The following TANC2 variants were observed in gnomAD, a reference collection of about 807,000 sequenced individuals.
The protein encoded by TANC2 is protein TANC2.
In TANC2, 26 loss-of-function variants were observed where a neutral mutation model predicts 210.5. That is an observed-to-expected ratio of 0.12 (90% CI 0.09 to 0.17). The LOEUF is 0.17. Among genes scored for constraint, TANC2 ranks in the 10% least tolerant of loss-of-function variants. The pLI is 1.00. For missense variants in TANC2, 2,129 were observed against 2,608.9 expected (o/e 0.82, Z 4.01); for synonymous variants, 931 against 967.1 (o/e 0.96, Z 0.69).
chr17:63,137,402 G>A (rs1470419624), intron 4 of TANC2, among the ~76,000 whole-genome samples: 1 of 152,184 alleles, frequency 6.6e-6, no homozygotes, highest in Non-Finnish European at 1.5e-5. Context: ...CCAATACACA[G>A]CTAAAGTGTC....
chr17:63,019,917 T>C (rs2034276326), intron 2 of TANC2, among the ~76,000 whole-genome samples: 6 of 152,022 alleles, frequency 3.9e-5, no homozygotes, highest in Admixed American at 3.9e-4. Flanking sequence ...CTATAGTTTT[T>C]GTTTGTTTGT....
chr17:63,354,870 A>T (rs1567946045), exon 14 of TANC2: 1 of 1,613,638 alleles, frequency 6.2e-7, no homozygotes, highest in African/African-American at 1.3e-5. Context: ...GCAGGCTTAC[A>T]TCCTGCACCG....
chr17:63,221,197 G>T (rs780790119), intron 7 of TANC2, among the ~76,000 whole-genome samples: 1 of 152,008 alleles, frequency 6.6e-6, no homozygotes, highest in African/African-American at 2.4e-5. Flanking sequence ...TGGCACTTTG[G>T]GAGGCCGAGG....
intron 5 of TANC2, among the ~76,000 whole-genome samples, chr17:63,175,179 A>C (rs1166766614): frequency 6.6e-6 from 1 of 152,226 alleles, no homozygotes; most frequent in Non-Finnish European, 1.5e-5. Context: ...GCAATTTTAC[A>C]AAAGAATAAT....
At chr17:63,004,172 G>GAA (rs1312096068) in intron 1 of TANC2, among the ~76,000 whole-genome samples, 2 of 152,152 alleles carry the variant, frequency 1.3e-5, no homozygotes, top group East Asian at 3.8e-4. Flanking sequence ...TTCAGGTAGC[G>GAA]AAATGAAAAT....
In TANC2 at chr17:63,421,747, C is replaced by G; in HGVS notation, c.6017C>G (p.Pro2006Arg). ...TTGCTGGAGGACGATTATTACAGCC[C>G]CCATGGGATGCTGGCTAACGGGTCT... The change falls in exon 28 of 28, where the codon CCC becomes CGC. Residue 2006 changes from proline (P) to arginine (R), a missense_variant. Transcript: ENST00000689528. This position sits in a 1 kb window ranked among gnomAD's most constrained non-coding sequence, Gnocchi z 6.9. 6.2e-7 allele frequency: 1 copy of G among 1,614,068 alleles called. No homozygotes were observed. Among genetic ancestry groups the G allele is most frequent in the Non-Finnish European group, 8.5e-7 (1 of 1,179,900 alleles).
At chr17:63,226,356 G>A (rs748051457) in intron 7 of TANC2, among the ~76,000 whole-genome samples, 55 of 152,184 alleles carry the variant, frequency 3.6e-4, no homozygotes, top group Non-Finnish European at 6.0e-4. Flanking sequence ...AGGAGAAACC[G>A]GGATAAAATC....
chr17:63,318,963 A>T (rs200724320), exon 11 of TANC2: 12 of 1,612,714 alleles, frequency 7.4e-6, no homozygotes, highest in African/African-American at 1.3e-5. Context: ...CCAGATGTGG[A>T]TGCCAACAGA....
rs72845222 is a variant in TANC2, at chr17:63,255,908, T to C, written c.1034-11840T>C. ...AAGTTGTTTATTTGACTTTTCTTTT[T>C]TTTTTTTTTTTTTTTTTGAGACAGT... On this transcript the variant is annotated intron_variant, in intron 8 of 27. Coordinates refer to ENST00000689528, the Ensembl canonical transcript of TANC2. 2.5e-3 allele frequency among the ~76,000 whole-genome samples: 211 copies of C among 85,368 alleles called. 2 individuals are homozygous for C. Among genetic ancestry groups the C allele is most frequent in the Non-Finnish European group, 2.9e-3 (109 of 37,424 alleles). 56.0% of individuals were successfully genotyped at this position (85,368 alleles called of 152,430 possible). A position where few individuals can be genotyped will look rare whatever the true frequency, so the allele number is the denominator to read the frequency against.
At chr17:63,324,791 A>C (rs1245410300) in intron 11 of TANC2, among the ~76,000 whole-genome samples, 1 of 152,108 alleles carries the variant, frequency 6.6e-6, no homozygotes, top group Admixed American at 6.6e-5. Flanking sequence ...TTCCACTAGA[A>C]TGGGTCAGTG....
chr17:63,322,687 T>A (rs1193102512), intron 11 of TANC2, among the ~76,000 whole-genome samples: 5 of 152,220 alleles, frequency 3.3e-5, no homozygotes, highest in African/African-American at 1.2e-4. Flanking sequence ...CACATTCTCA[T>A]GAGAGAAAGA....
intron 25 of TANC2, 27 bp downstream of exon 25, chr17:63,413,661 T>C: frequency 6.4e-7 from 1 of 1,553,978 alleles, no homozygotes; most frequent in Non-Finnish European, 8.8e-7. Context: ...ACACAGTTTC[T>C]TCAGAACAGC....
intron 11 of TANC2, among the ~76,000 whole-genome samples, chr17:63,328,650 T>TGGGA (rs2045735579): frequency 6.6e-6 from 1 of 150,742 alleles, no homozygotes; most frequent in African/African-American, 2.4e-5. Context: ...AAGGAAGGAA[T>TGGGA]GGGAGAAGTT....
Position 63,207,365 on chromosome 17 carries a change from G to A in TANC2, c.769+6408G>A, listed in dbSNP as rs1289329713. On this transcript the variant is annotated intron_variant, in intron 7 of 27. Transcript: ENST00000689528. ...CGAGTAGCTGGGACTACAGGCACCC[G>A]CCACCACGCTTGGCTAATTTTTTGT... Among the ~76,000 whole-genome samples, 9 of 151,554 alleles carry A rather than the reference G, an allele frequency of 5.9e-5. No individual in the cohort carries two copies. The South Asian group carries it at 8.4e-4, about 14-fold the overall frequency.
intron 4 of TANC2, among the ~76,000 whole-genome samples, chr17:63,147,060 G>C (rs76683362): frequency 0.071 from 10,734 of 152,132 alleles, 674 homozygotes; most frequent in African/African-American, 0.17. Context: ...GCCAGGCGTG[G>C]GTGGCTCATG....
intron 9 of TANC2, among the ~76,000 whole-genome samples, chr17:63,297,819 G>A (rs1288223111): frequency 1.3e-5 from 2 of 151,830 alleles, no homozygotes; most frequent in Non-Finnish European, 2.9e-5. Flanking sequence ...TATCTGATAA[G>A]GGTCTAGTAT....
intron 9 of TANC2, among the ~76,000 whole-genome samples, chr17:63,287,652 C>A (rs1370611090): frequency 1.3e-5 from 2 of 151,850 alleles, no homozygotes; most frequent in African/African-American, 2.4e-5. Context: ...TGAGATAAGA[C>A]CCTTCTGAGT....
intron 2 of TANC2, 54 bp from the exon 3 acceptor site, chr17:63,073,889 C>A: frequency 7.2e-7 from 1 of 1,390,876 alleles, no homozygotes; most frequent in South Asian, 1.3e-5. Context: ...GTCAGAGACA[C>A]TGTTATGTCA....
At chr17:62,980,157 A>G (rs1467276731) in intron 1 of TANC2, among the ~76,000 whole-genome samples, 1 of 152,150 alleles carries the variant, frequency 6.6e-6, no homozygotes, top group Middle Eastern at 3.4e-3. Flanking sequence ...TCCTTACTGT[A>G]CCTGAAACTG....
Sources: allele counts gnomAD v4.1 joint callset (sites outside exome capture counted in the v4.1 genomes callset), GRCh38; gene constraint gnomAD v4.1.1; non-coding constraint Gnocchi (gnomAD v3.1); transcripts MANE v1.5; gene names NCBI Gene and HGNC (gene_info 2026-07-23, HGNC 2026-07-21).